The following CSMD3 variants were observed in gnomAD, a reference collection of about 807,000 sequenced individuals.
The protein encoded by CSMD3 is CUB and Sushi multiple domains 3.
A neutral mutation model predicts 435.2 loss-of-function variants in CSMD3; 177 were observed. The ratio of observed to expected loss-of-function variants is 0.41; its 90% CI spans 0.36 to 0.46. The LOEUF (loss-of-function observed/expected upper bound fraction) is 0.46. CSMD3 is among the 20% of genes least tolerant of loss of function. The pLI is 0.34. For missense variants in CSMD3, 4,265 were observed against 4,504.6 expected (o/e 0.95, Z 1.52); for synonymous variants, 1,656 against 1,520.5 (o/e 1.09, Z -2.07).
At chr8:113,336,664 C>T (rs1415122003) in intron 1 of CSMD3, among the ~76,000 whole-genome samples, 1 of 152,098 alleles carries the variant, frequency 6.6e-6, no homozygotes, top group Non-Finnish European at 1.5e-5. Context: ...CCTCCATTAA[C>T]AACCCAGGGA....
intron 1 of CSMD3, chr8:113,377,183 C>T: frequency 1.7e-6 from 2 of 1,193,864 alleles, no homozygotes; most frequent in African/African-American, 1.6e-5. Context: ...ACCCTACATC[C>T]GCTCCAATGG....
chr8:113,381,096 A>G (rs1356875874), intron 1 of CSMD3, among the ~76,000 whole-genome samples: 1 of 152,182 alleles, frequency 6.6e-6, no homozygotes, highest in Non-Finnish European at 1.5e-5. Context: ...GTTTCTCTTC[A>G]ATAAAGTTGT....
intron 13 of CSMD3, among the ~76,000 whole-genome samples, chr8:112,690,916 A>G (rs1387435807): frequency 6.6e-6 from 1 of 152,106 alleles, no homozygotes; most frequent in Non-Finnish European, 1.5e-5. Context: ...ACTTTAAGAT[A>G]AAGTTATAGT....
chr8:112,481,882 T>G (rs1375497256), intron 31 of CSMD3, among the ~76,000 whole-genome samples: 1 of 152,202 alleles, frequency 6.6e-6, no homozygotes, highest in Non-Finnish European at 1.5e-5. Context: ...CCTTCATGTC[T>G]TTTTATGTCT....
chr8:113,145,240 C>T (rs2091645947), intron 4 of CSMD3, among the ~76,000 whole-genome samples: 1 of 151,436 alleles, frequency 6.6e-6, no homozygotes, highest in Non-Finnish European at 1.5e-5. Context: ...AAAGACTTGG[C>T]CTTTTTCAAG....
intron 5 of CSMD3, among the ~76,000 whole-genome samples, chr8:113,083,066 A>C (rs181896250): frequency 6.6e-6 from 1 of 152,276 alleles, no homozygotes; most frequent in East Asian, 1.9e-4. Flanking sequence ...TTAGGAGAGA[A>C]CTAGACATCC....
chr8:113,377,095 T>G (rs2094389800), intron 1 of CSMD3: 3 of 1,284,538 alleles, frequency 2.3e-6, no homozygotes, highest in Middle Eastern at 3.3e-4. Flanking sequence ...GGCGCTGGAC[T>G]CCCCCAAGGG....
intron 5 of CSMD3, among the ~76,000 whole-genome samples, chr8:113,045,019 G>A (rs2087770114): frequency 6.7e-6 from 1 of 148,634 alleles, no homozygotes; most frequent in South Asian, 2.1e-4. Flanking sequence ...GTTTCATCTT[G>A]ATCCCACAAC....
chr8:113,088,076 A>C (rs926038317), intron 5 of CSMD3, among the ~76,000 whole-genome samples: 24 of 150,152 alleles, frequency 1.6e-4, no homozygotes, highest in Admixed American at 1.5e-3. Flanking sequence ...TCTCAAAAGA[A>C]GACATTTGTG....
At chr8:112,607,071 T>C (rs976448065) in intron 22 of CSMD3, among the ~76,000 whole-genome samples, 1 of 110,858 alleles carries the variant, frequency 9.0e-6, no homozygotes, top group African/African-American at 3.5e-5. Flanking sequence ...AGGAAAGCAA[T>C]AGAAAAGATC....
chr8:113,329,390 A>G (rs2094010139), intron 1 of CSMD3, among the ~76,000 whole-genome samples: 1 of 152,148 alleles, frequency 6.6e-6, no homozygotes, highest in African/African-American at 2.4e-5. Flanking sequence ...AGAAATTTGA[A>G]GTTCATGAAG....
At chr8:113,103,871 T>C (rs1313846194) in intron 4 of CSMD3, among the ~76,000 whole-genome samples, 2 of 152,100 alleles carry the variant, frequency 1.3e-5, no homozygotes, top group Non-Finnish European at 1.5e-5. Flanking sequence ...TTCACAAATG[T>C]ACTTTTTCCT....
At chr8:112,974,235 A>G (rs1011720070) in intron 7 of CSMD3, among the ~76,000 whole-genome samples, 5 of 151,936 alleles carry the variant, frequency 3.3e-5, no homozygotes, top group Non-Finnish European at 1.5e-5. Flanking sequence ...GTTGACTATT[A>G]AACTTTTCTA....
chr8:112,988,085 T>C lies in CSMD3; in HGVS notation c.1031-11937A>G, dbSNP rs149315880. Among the ~76,000 whole-genome samples, 908 of 152,116 alleles carry C rather than the reference T, an allele frequency of 6.0e-3. 5 individuals carry two copies. Among genetic ancestry groups the C allele is most frequent in the African/African-American group, 0.019 (805 of 41,526 alleles). On this transcript the variant is annotated intron_variant, in intron 6 of 70. Coordinates refer to ENST00000297405, the MANE Select transcript of CSMD3 (RefSeq NM_198123.2). Reference sequence around the variant, plus strand: ...GAAAGAAGAGGGTCATCTGCCTTCATAGAAAATATGGGTTTGGACAATGAT... The same window carrying C: ...GAAAGAAGAGGGTCATCTGCCTTCACAGAAAATATGGGTTTGGACAATGAT...
At chr8:112,891,546 C>T (rs1374853684) in intron 10 of CSMD3, among the ~76,000 whole-genome samples, 1 of 151,350 alleles carries the variant, frequency 6.6e-6, no homozygotes, top group Non-Finnish European at 1.5e-5. Context: ...TCTGATTTTC[C>T]AGGTATCAGG....
At chr8:112,478,512 T>C (rs1296308059) in intron 31 of CSMD3, among the ~76,000 whole-genome samples, 1 of 152,188 alleles carries the variant, frequency 6.6e-6, no homozygotes, top group Non-Finnish European at 1.5e-5. Context: ...TTTGGCTGCA[T>C]TGTGTTCATG....
intron 5 of CSMD3, among the ~76,000 whole-genome samples, chr8:113,027,982 C>T (rs543536399): frequency 3.2e-4 from 49 of 152,094 alleles, no homozygotes; most frequent in African/African-American, 1.2e-3. Flanking sequence ...TACAGGCATA[C>T]CTCTTTTTTT....
chr8:113,386,335 G>A (rs1046069385), intron 1 of CSMD3, among the ~76,000 whole-genome samples: 2 of 151,828 alleles, frequency 1.3e-5, no homozygotes, highest in Non-Finnish European at 2.9e-5. Context: ...CAAATTATGT[G>A]TTTTCTCTGT....
At chr8:113,138,664 G>T (rs532460787) in intron 4 of CSMD3, among the ~76,000 whole-genome samples, 1 of 151,418 alleles carries the variant, frequency 6.6e-6, no homozygotes, top group Admixed American at 6.6e-5. Context: ...GTGTTATCGT[G>T]ATGGGATTTC....
Sources: gnomAD v4.1 joint callset for allele counts (sites outside exome capture counted in the v4.1 genomes callset) on GRCh38, gnomAD v4.1.1 for gene constraint, MANE v1.5 for transcripts, NCBI Gene and HGNC (gene_info 2026-07-23, HGNC 2026-07-21) for gene names.